LRP1B: variants seen among roughly 807,000 people sequenced by gnomAD.
The protein encoded by LRP1B is low-density lipoprotein receptor-related protein 1B.
A neutral mutation model predicts 556.6 loss-of-function variants in LRP1B; 217 were observed. That is an observed-to-expected ratio of 0.39 (90% CI 0.35 to 0.44). The LOEUF is 0.44. LRP1B is among the 20% of genes least tolerant of loss of function. The pLI, the probability that LRP1B is intolerant of heterozygous loss-of-function variation, is 1.00. For missense variants in LRP1B, 5,053 were observed against 5,620.8 expected, an observed-to-expected ratio of 0.90 and a Z score of 3.23; for synonymous variants, 2,047 against 1,865.8, an observed-to-expected ratio of 1.10 and a Z score of -2.50.
At chr2:140,431,813 A>C (rs1458571195) in intron 66 of LRP1B, among the ~76,000 whole-genome samples, 7 of 151,810 alleles carry the variant, frequency 4.6e-5, no homozygotes, top group Non-Finnish European at 5.9e-5. Context: ...CTTACCACAA[A>C]ATCTTCCTTC....
chr2:141,387,903 C>T (rs577006525), intron 3 of LRP1B, among the ~76,000 whole-genome samples: 252 of 152,088 alleles, frequency 1.7e-3, no homozygotes, highest in Non-Finnish European at 3.0e-3. Context: ...CAAAAACAAT[C>T]AAACAAACAG....
chr2:140,590,456 T>C (rs1682175423), intron 43 of LRP1B, among the ~76,000 whole-genome samples: 1 of 151,816 alleles, frequency 6.6e-6, no homozygotes, highest in Admixed American at 6.6e-5. Context: ...ACTCCCAATA[T>C]GACTGTACTT....
At chr2:141,961,448 G>A (rs1701402114) in intron 1 of LRP1B, among the ~76,000 whole-genome samples, 2 of 151,666 alleles carry the variant, frequency 1.3e-5, no homozygotes, top group Admixed American at 1.3e-4. Flanking sequence ...CTAATAAGGT[G>A]AGTTTTTTAA....
At chr2:141,027,819 A>G (rs988603548) in intron 11 of LRP1B, among the ~76,000 whole-genome samples, 2 of 152,102 alleles carry the variant, frequency 1.3e-5, no homozygotes, top group African/African-American at 4.8e-5. Flanking sequence ...GTGCCCTTAT[A>G]AGAAGAGACC....
chr2:141,733,700 A>G (rs1437335), intron 2 of LRP1B, among the ~76,000 whole-genome samples: 136,455 of 152,126 alleles, frequency 0.9, 61,906 homozygotes, highest in Non-Finnish European at 0.97. Context: ...GAGGTCCTCA[A>G]ATAGATTCTG....
At chr2:140,473,283 G>A (rs1345428261) in intron 60 of LRP1B, among the ~76,000 whole-genome samples, 1 of 151,932 alleles carries the variant, frequency 6.6e-6, no homozygotes, top group Non-Finnish European at 1.5e-5. Flanking sequence ...AAAACCTTCA[G>A]GAGAAAATAT....
At position 140,994,115 on chromosome 2, in the gene LRP1B, G is replaced by A. The variant is rs1355861467; in HGVS notation, c.2524C>T (p.Pro842Ser). 11 of 1,612,340 alleles carry A rather than the reference G, an allele frequency of 6.8e-6. No homozygotes were observed. The highest frequency in any genetic ancestry group is 3.3e-5 in the South Asian group (3 of 91,036). The change falls in exon 16 of 91, where the codon CCT becomes TCT. Residue 842 changes from proline (P) to serine (S), a missense_variant. Coordinates refer to ENST00000389484, the MANE Select transcript of LRP1B (RefSeq NM_018557.3). ...AACTCTCCAGCTTTACATATGTGAG[G>A]TAGTGCTTCTCCAGGATTAACTAGA... ...TCTFNPGEALPHICKAGEFRC... is the reference protein window; with the variant it reads ...TCTFNPGEALSHICKAGEFRC...
At chr2:141,244,490 G>T (rs1422749490) in intron 5 of LRP1B, among the ~76,000 whole-genome samples, 1 of 152,116 alleles carries the variant, frequency 6.6e-6, no homozygotes, top group African/African-American at 2.4e-5. Flanking sequence ...AATCTCAGCA[G>T]CCAGGCAACT....
chr2:141,767,944 C>A (rs1270623226), intron 2 of LRP1B, among the ~76,000 whole-genome samples: 1 of 151,980 alleles, frequency 6.6e-6, no homozygotes, highest in African/African-American at 2.4e-5. Context: ...TTATTCTGTT[C>A]ACAAAATCAA....
chr2:141,851,534 A>G (rs1474342362), intron 1 of LRP1B, among the ~76,000 whole-genome samples: 1 of 151,900 alleles, frequency 6.6e-6, no homozygotes, highest in Non-Finnish European at 1.5e-5. Flanking sequence ...ATCGAAACAC[A>G]GCTTGGAATA....
At chr2:140,961,732 C>T (rs1696041442) in intron 18 of LRP1B, among the ~76,000 whole-genome samples, 1 of 151,988 alleles carries the variant, frequency 6.6e-6, no homozygotes, top group African/African-American at 2.4e-5. Flanking sequence ...TTCTATAAAG[C>T]TGTGTAGTAC....
intron 1 of LRP1B, among the ~76,000 whole-genome samples, chr2:142,035,709 G>A (rs916533357): frequency 2.0e-5 from 3 of 151,368 alleles, no homozygotes; most frequent in Admixed American, 1.3e-4. Context: ...TCCTTACTCT[G>A]AAACCCACAA....
intron 1 of LRP1B, among the ~76,000 whole-genome samples, chr2:141,879,097 T>G (rs1698869295): frequency 6.6e-6 from 1 of 151,870 alleles, no homozygotes; most frequent in Non-Finnish European, 1.5e-5. Context: ...TTATGATAAA[T>G]CAAAATATAT....
chr2:140,622,821 C>T (rs1683502591), intron 41 of LRP1B, among the ~76,000 whole-genome samples: 1 of 152,142 alleles, frequency 6.6e-6, no homozygotes, highest in Admixed American at 6.5e-5. Flanking sequence ...GATCGTGGCC[C>T]TAAACAGGGA....
intron 41 of LRP1B, among the ~76,000 whole-genome samples, chr2:140,662,192 A>G (rs1471073005): frequency 6.6e-6 from 1 of 151,948 alleles, no homozygotes; most frequent in Non-Finnish European, 1.5e-5. Context: ...CTATATATAT[A>G]CTATTAAAAG....
intron 3 of LRP1B, among the ~76,000 whole-genome samples, chr2:141,430,991 G>T (rs1052635140): frequency 1.3e-5 from 2 of 151,796 alleles, no homozygotes; most frequent in Non-Finnish European, 2.9e-5. Flanking sequence ...AAGAAAATTA[G>T]CCAGGCATGG....
chr2:141,084,135 C>G (rs2177771), intron 7 of LRP1B, among the ~76,000 whole-genome samples: 127,812 of 152,150 alleles, frequency 0.84, 54,149 homozygotes, highest in Non-Finnish European at 0.89. Context: ...GAATAAAAAT[C>G]TTAGCATTGA....
chr2:141,381,528 C>T (rs1275011427), intron 3 of LRP1B, among the ~76,000 whole-genome samples: 1 of 151,640 alleles, frequency 6.6e-6, no homozygotes, highest in Admixed American at 6.6e-5. Flanking sequence ...ACAGAATGAA[C>T]ATTCAGATCC....
At chr2:141,351,360 T>TA (rs200824819) in intron 3 of LRP1B, among the ~76,000 whole-genome samples, 1,781 of 152,198 alleles carry the variant, frequency 0.012, 24 homozygotes, top group Middle Eastern at 0.02. Flanking sequence ...CCTTCTATTG[T>TA]ACCTTCCACA....
Sources: gnomAD v4.1 joint callset for allele counts (sites outside exome capture counted in the v4.1 genomes callset) on GRCh38, gnomAD v4.1.1 for gene constraint, MANE v1.5 for transcripts, NCBI Gene and HGNC (gene_info 2026-07-23, HGNC 2026-07-21) for gene names.